RGS20: variants seen among roughly 807,000 people sequenced by gnomAD.
RGS20 encodes gz-selective GTPase-activating protein.
A neutral mutation model predicts 33.6 loss-of-function variants in RGS20; 30 were observed. That is an observed-to-expected ratio of 0.89 (90% CI 0.67 to 1.21). The LOEUF (loss-of-function observed/expected upper bound fraction) is 1.21. Among genes scored for constraint, RGS20 ranks in the 50% most tolerant of loss-of-function variants. RGS20 has a pLI of 0.00. For synonymous variants in RGS20, 208 were observed against 197.9 expected (o/e 1.05, Z -0.43); for missense variants, 472 against 502.4 (o/e 0.94, Z 0.58).
At chr8:53,881,910 G>A (rs1367765278) in intron 2 of RGS20, among the ~76,000 whole-genome samples, 2 of 152,098 alleles carry the variant, frequency 1.3e-5, no homozygotes, top group Non-Finnish European at 2.9e-5. Context: ...CGGAGGGCGG[G>A]AGACTGGGGG....
intron 2 of RGS20, among the ~76,000 whole-genome samples, chr8:53,906,432 C>G (rs796572400): frequency 3.9e-5 from 6 of 152,186 alleles, no homozygotes; most frequent in African/African-American, 1.4e-4. Flanking sequence ...ATCGAGTGGC[C>G]CCCTAAGTGT....
chr8:53,925,526 C>T (rs1246704464), intron 2 of RGS20, among the ~76,000 whole-genome samples: 1 of 152,056 alleles, frequency 6.6e-6, no homozygotes, highest in Non-Finnish European at 1.5e-5. Context: ...GCCTGTAATC[C>T]CAGCATTTTG....
At chr8:53,886,226 A>G (rs1425591606) in intron 2 of RGS20, among the ~76,000 whole-genome samples, 1 of 152,170 alleles carries the variant, frequency 6.6e-6, no homozygotes, top group African/African-American at 2.4e-5. Flanking sequence ...CTAGCTCAAG[A>G]GTTAAGGCGA....
chr8:53,872,588 G>A (rs557435425), intron 1 of RGS20, among the ~76,000 whole-genome samples: 24 of 152,214 alleles, frequency 1.6e-4, no homozygotes, highest in Non-Finnish European at 2.4e-4. Flanking sequence ...ACCCTTCCTC[G>A]TCTGGTTTCT....
chr8:53,888,180 C>T lies in RGS20; in HGVS notation c.510+8578C>T, dbSNP rs562857984. ...TTCTTTGCATTTAAGGGGGACTTTACATACAGAGTTTAATTCTTCCTGACC... is the reference window on the plus strand; with the variant it reads ...TTCTTTGCATTTAAGGGGGACTTTATATACAGAGTTTAATTCTTCCTGACC... On this transcript the variant is annotated intron_variant, in intron 2 of 5. Coordinates refer to ENST00000297313, the MANE Select transcript of RGS20 (RefSeq NM_170587.4). Among the ~76,000 whole-genome samples the T allele has an allele frequency of 5.3e-5, 8 of 152,252 alleles. No individual in the cohort carries two copies. In the South Asian group the frequency reaches 1.7e-3, roughly 32 times the overall value.
chr8:53,936,202 C>T (rs528380856), intron 2 of RGS20, among the ~76,000 whole-genome samples: 68 of 152,204 alleles, frequency 4.5e-4, no homozygotes, highest in Admixed American at 4.4e-3. Context: ...ACAAGAATGC[C>T]GTCTCTTACC....
intron 4 of RGS20, among the ~76,000 whole-genome samples, chr8:53,948,355 T>C: frequency 7.1e-6 from 1 of 141,416 alleles, no homozygotes; most frequent in East Asian, 2.1e-4. Flanking sequence ...TTATATATGC[T>C]ATATATAAGA....
rs996475231 is a variant in RGS20 at position 53,866,817 on chromosome 8, A to G, written c.166-12441A>G. ...ATTTAATTAAGAGAGCTGGGAAGTA[A>G]CTGTGGGGATGTTGAGAAGTGCATG... On this transcript the variant is annotated intron_variant, in intron 1 of 5. Transcript: ENST00000297313. 4.6e-5 allele frequency among the ~76,000 whole-genome samples: 7 copies of G among 152,176 alleles called. No individual in the cohort carries two copies. In the East Asian group the frequency reaches 1.2e-3, roughly 25 times the overall value.
chr8:53,879,480 C>A lies in RGS20; in HGVS notation c.388C>A (p.Leu130Met). The A allele has an allele frequency of 6.4e-7, 1 of 1,572,742 alleles. No individual in the cohort carries two copies. Among genetic ancestry groups the A allele is most frequent in the Non-Finnish European group, 8.6e-7 (1 of 1,162,672 alleles). The change falls in exon 2 of 6, where the codon CTG becomes ATG. Residue 130 changes from leucine (L) to methionine (M), a missense_variant. Physicochemically the swap from Leu to Met is conservative, Grantham distance 15. This residue lies in a region of RGS20 where 319 missense variants were observed against 283.4 expected (regional missense o/e 1.13). Transcript: ENST00000297313. ...GGAGCTGCCGGGCCGCCTCTCGCTC[C>A]TGCTCGGGGCGGCGCTGGCACTGCC...
At chr8:53,943,218 T>A (rs1439745226) in intron 3 of RGS20, among the ~76,000 whole-genome samples, 1 of 152,174 alleles carries the variant, frequency 6.6e-6, no homozygotes, top group Non-Finnish European at 1.5e-5. Flanking sequence ...TCAACTGTTT[T>A]AATAGTGAAT....
At chr8:53,860,049 T>C (rs1358909526) in intron 1 of RGS20, among the ~76,000 whole-genome samples, 3 of 152,226 alleles carry the variant, frequency 2.0e-5, no homozygotes, top group African/African-American at 7.2e-5. Context: ...ATTTCCATTC[T>C]ATGAGAAAAG....
intron 2 of RGS20, among the ~76,000 whole-genome samples, chr8:53,908,785 C>T (rs1234196917): frequency 6.6e-6 from 1 of 151,996 alleles, no homozygotes; most frequent in Non-Finnish European, 1.5e-5. Flanking sequence ...GCCTGGGTGA[C>T]AGGGTGAGAC....
intron 2 of RGS20, among the ~76,000 whole-genome samples, chr8:53,922,471 A>T (rs2129286727): frequency 6.6e-6 from 1 of 152,140 alleles, no homozygotes; most frequent in African/African-American, 2.4e-5. Flanking sequence ...CTATCTTTTG[A>T]TTGGATTGTT....
At chr8:53,881,624 G>A (rs1289231883) in intron 2 of RGS20, among the ~76,000 whole-genome samples, 1 of 152,150 alleles carries the variant, frequency 6.6e-6, no homozygotes, top group South Asian at 2.1e-4. Context: ...CAGGGGCACC[G>A]AGGGGCAGGG....
intron 1 of RGS20, chr8:53,876,075 C>A (rs1812201848): frequency 6.6e-6 from 1 of 152,168 alleles, no homozygotes; most frequent in Non-Finnish European, 1.5e-5. Context: ...TATAATGTGA[C>A]TAAACTACAG....
At chr8:53,860,331 A>G (rs1340853472) in intron 1 of RGS20, among the ~76,000 whole-genome samples, 3 of 152,246 alleles carry the variant, frequency 2.0e-5, no homozygotes. Context: ...TTTGGCTTAT[A>G]TGATTTCGAA....
At chr8:53,904,821 A>G (rs2129281827) in intron 2 of RGS20, among the ~76,000 whole-genome samples, 1 of 152,348 alleles carries the variant, frequency 6.6e-6, no homozygotes, top group Admixed American at 6.5e-5. Flanking sequence ...TGACATTAGG[A>G]AAGAACAAAT....
At chr8:53,936,043 C>A (rs1427819124) in intron 2 of RGS20, among the ~76,000 whole-genome samples, 1 of 152,298 alleles carries the variant, frequency 6.6e-6, no homozygotes, top group Middle Eastern at 3.4e-3. Context: ...CAATAAAATT[C>A]AACACCCTTT....
intron 5 of RGS20, among the ~76,000 whole-genome samples, chr8:53,955,114 T>TTTC (rs1432697035): frequency 6.6e-6 from 1 of 151,036 alleles, no homozygotes; most frequent in Non-Finnish European, 1.5e-5. Context: ...GTGCAGCTGT[T>TTTC]TTCTACATTT....
Sources: allele counts gnomAD v4.1 joint callset (sites outside exome capture counted in the v4.1 genomes callset), GRCh38; gene constraint gnomAD v4.1.1; regional missense constraint gnomAD v4.1.1; transcripts MANE v1.5; gene names NCBI Gene and HGNC (gene_info 2026-07-23, HGNC 2026-07-21).